ARSB: variants seen among roughly 807,000 people sequenced by gnomAD.
The protein encoded by ARSB is N-acetylgalactosamine-4-sulfatase.
A neutral mutation model predicts 50.9 loss-of-function variants in ARSB; 41 were observed. The observed-to-expected ratio is 0.81, with a 90% CI of 0.63 to 1.04. The LOEUF is 1.04. Among genes scored for constraint, ARSB ranks in the 50% least tolerant of loss-of-function variants. The pLI, the probability that ARSB is intolerant of heterozygous loss-of-function variation, is 0.00. For synonymous variants in ARSB, 269 were observed against 284.8 expected (o/e 0.94, Z 0.56); for missense variants, 672 against 693.3 (o/e 0.97, Z 0.35).
At chr5:78,792,315 G>T (rs527513862) in intron 6 of ARSB, among the ~76,000 whole-genome samples, 1 of 151,608 alleles carries the variant, frequency 6.6e-6, no homozygotes, top group Non-Finnish European at 1.5e-5. Flanking sequence ...GGAGGTGGAG[G>T]TTGCAGCGAG....
intron 4 of ARSB, among the ~76,000 whole-genome samples, chr5:78,894,128 A>G (rs1748460435): frequency 6.6e-6 from 1 of 152,234 alleles, no homozygotes; most frequent in Non-Finnish European, 1.5e-5. Context: ...CAAGTGCTGG[A>G]GAGTCTGGCA....
rs1748671544 is a variant in ARSB at position 78,898,555 on chromosome 5, A to G, written c.899-12728T>C. On this transcript the variant is annotated intron_variant, in intron 4 of 7. Coordinates refer to ENST00000264914, the MANE Select transcript of ARSB (RefSeq NM_000046.5). ...TTTAGCTTTATATAAAAAAACATAC[A>G]TTAGTTTTCTATTACCACACACTTA... 3.3e-5 allele frequency among the ~76,000 whole-genome samples: 5 copies of G among 152,188 alleles called. No individual in the cohort carries two copies. In the South Asian group the frequency reaches 1.0e-3, roughly 32 times the overall value.
At chr5:78,798,292 A>C (rs1447625971) in intron 6 of ARSB, among the ~76,000 whole-genome samples, 2 of 152,064 alleles carry the variant, frequency 1.3e-5, no homozygotes, top group Non-Finnish European at 2.9e-5. Flanking sequence ...GCCACCATTG[A>C]ATTCACATTT....
intron 6 of ARSB, among the ~76,000 whole-genome samples, chr5:78,820,299 G>A (rs1308673571): frequency 6.6e-6 from 1 of 152,134 alleles, no homozygotes; most frequent in Admixed American, 6.5e-5. Flanking sequence ...ATGGATTTAG[G>A]GATATTTAGG....
intron 1 of ARSB, among the ~76,000 whole-genome samples, chr5:78,975,361 C>T (rs1474268123): frequency 4.6e-5 from 7 of 152,224 alleles, no homozygotes; most frequent in Non-Finnish European, 1.0e-4. Context: ...AAATTACCCA[C>T]GATGCTCCAG....
intron 4 of ARSB, among the ~76,000 whole-genome samples, chr5:78,939,862 C>A (rs1198541168): frequency 2.0e-5 from 3 of 152,200 alleles, no homozygotes; most frequent in African/African-American, 7.2e-5. Context: ...GCCACACTGA[C>A]TTCCACAATG....
chr5:78,897,567 G>GAT (rs1452052784), intron 4 of ARSB, among the ~76,000 whole-genome samples: 4 of 152,040 alleles, frequency 2.6e-5, no homozygotes, highest in African/African-American at 9.6e-5. Context: ...CACTGTAAAT[G>GAT]ATATATATAT....
At chr5:78,949,265 G>A (rs764170378) in intron 4 of ARSB, among the ~76,000 whole-genome samples, 1 of 152,140 alleles carries the variant, frequency 6.6e-6, no homozygotes, top group Admixed American at 6.5e-5. Flanking sequence ...TGCCTTTACC[G>A]ATCACCAAAT....
At chr5:78,943,876 C>A (rs1166544030) in intron 4 of ARSB, among the ~76,000 whole-genome samples, 4 of 152,196 alleles carry the variant, frequency 2.6e-5, no homozygotes, top group South Asian at 2.1e-4. Context: ...AGAGTGTTTT[C>A]CAACTTGGTT....
intron 6 of ARSB, among the ~76,000 whole-genome samples, chr5:78,835,625 T>G (rs1170166259): frequency 6.6e-6 from 1 of 152,170 alleles, no homozygotes; most frequent in Non-Finnish European, 1.5e-5. Flanking sequence ...TTTGCACTTG[T>G]GTTTATCTAT....
intron 4 of ARSB, among the ~76,000 whole-genome samples, chr5:78,889,106 T>G (rs1172332220): frequency 1.3e-5 from 2 of 152,238 alleles, no homozygotes; most frequent in Non-Finnish European, 2.9e-5. Context: ...GTTAGGACAT[T>G]AGTTGGTTAA....
At chr5:78,984,864 G>A (rs1753083723) in intron 1 of ARSB, 73 bp downstream of exon 1, 1 of 1,194,098 alleles carries the variant, frequency 8.4e-7, no homozygotes, top group Non-Finnish European at 1.0e-6. Flanking sequence ...CGGCCTCAAG[G>A]GCCGGGTAGG....
intron 3 of ARSB, among the ~76,000 whole-genome samples, chr5:78,962,589 G>A (rs1042241898): frequency 1.1e-4 from 16 of 141,132 alleles, no homozygotes; most frequent in Middle Eastern, 3.9e-3. Context: ...GTGTAGTGGT[G>A]CGATCTCGGC....
intron 3 of ARSB, 136 bp downstream of exon 3, chr5:78,964,280 T>A (rs78134348): frequency 5.8e-6 from 5 of 860,268 alleles, no homozygotes; most frequent in Non-Finnish European, 7.3e-6. Flanking sequence ...GATTCTGGGA[T>A]ACTGTATAAT....
intron 4 of ARSB, among the ~76,000 whole-genome samples, chr5:78,949,953 C>T (rs1751428659): frequency 6.6e-6 from 1 of 152,098 alleles, no homozygotes; most frequent in African/African-American, 2.4e-5. Context: ...TATAAATACA[C>T]AATGGCTGCA....
intron 1 of ARSB, among the ~76,000 whole-genome samples, chr5:78,975,722 G>A (rs1752636276): frequency 6.6e-6 from 1 of 152,168 alleles, no homozygotes; most frequent in African/African-American, 2.4e-5. Context: ...GAAATGACAT[G>A]GCAATTTCAA....
intron 4 of ARSB, among the ~76,000 whole-genome samples, chr5:78,904,396 T>C (rs1748944328): frequency 6.6e-6 from 1 of 152,136 alleles, no homozygotes; most frequent in South Asian, 2.1e-4. Context: ...TTTTCATCTT[T>C]AGTTTTCAGC....
At chr5:78,843,550 A>T (rs1745320575) in intron 5 of ARSB, among the ~76,000 whole-genome samples, 3 of 152,222 alleles carry the variant, frequency 2.0e-5, no homozygotes, top group Admixed American at 2.0e-4. Flanking sequence ...ACTTAGCTTT[A>T]TTGAAGTATA....
intron 5 of ARSB, among the ~76,000 whole-genome samples, chr5:78,850,315 A>G (rs1300912743): frequency 6.6e-6 from 1 of 152,208 alleles, no homozygotes; most frequent in Non-Finnish European, 1.5e-5. Flanking sequence ...TATTGAGATA[A>G]TCATGTGGTT....
Sources: allele counts gnomAD v4.1 joint callset (sites outside exome capture counted in the v4.1 genomes callset), GRCh38; gene constraint gnomAD v4.1.1; transcripts MANE v1.5; gene names NCBI Gene and HGNC (gene_info 2026-07-23, HGNC 2026-07-21).